The following TSPEAR variants were observed in gnomAD, a reference collection of about 807,000 sequenced individuals.
TSPEAR encodes thrombospondin-type laminin G domain and EAR repeat-containing protein.
TSPEAR carries 69 observed loss-of-function variants against 71.6 expected under a neutral mutation model. That is an observed-to-expected ratio of 0.96 (90% CI 0.79 to 1.18). The LOEUF (loss-of-function observed/expected upper bound fraction) is 1.18, where lower values mean the gene tolerates loss of function less well. Among genes scored for constraint, TSPEAR ranks in the 50% most tolerant of loss-of-function variants. The pLI, the probability that TSPEAR is intolerant of heterozygous loss-of-function variation, is 0.00. For missense variants in TSPEAR, 971 were observed against 894.9 expected, an observed-to-expected ratio of 1.09 and a Z score of -1.09; for synonymous variants, 402 against 387.2, an observed-to-expected ratio of 1.04 and a Z score of -0.45.
chr21:44,670,034 G>A (rs1255968162), intron 1 of TSPEAR, among the ~76,000 whole-genome samples: 1 of 152,214 alleles, frequency 6.6e-6, no homozygotes, highest in Non-Finnish European at 1.5e-5. Context: ...ATAAGTCTCA[G>A]AAGATTACTC....
At position 44,499,953 on chromosome 21, in the gene TSPEAR, G is replaced by T. The variant is rs1414750782; in HGVS notation, c.1857-17C>A. ...CCCTGCCACCTGCGGAACAGACAGC[G>T]GCAGCCGGGTCAGCCTGGGCTCTGC... On this transcript the variant is annotated splice_polypyrimidine_tract_variant and intron_variant, in intron 11 of 11. Coordinates refer to ENST00000323084, the MANE Select transcript of TSPEAR (RefSeq NM_144991.3). The T allele has an allele frequency of 6.3e-7, 1 of 1,594,172 alleles. No individual in the cohort carries two copies. The highest frequency in any genetic ancestry group is 1.1e-5 in the South Asian group (1 of 88,874).
intron 1 of TSPEAR, chr21:44,675,962 G>A: frequency 1.2e-6 from 1 of 819,414 alleles, no homozygotes; most frequent in Non-Finnish European, 2.2e-6. Flanking sequence ...GGTTATTCGG[G>A]CTTCCTTCAG....
chr21:44,668,995 C>T (rs941037841), intron 1 of TSPEAR, among the ~76,000 whole-genome samples: 1 of 151,544 alleles, frequency 6.6e-6, no homozygotes, highest in Non-Finnish European at 1.5e-5. Context: ...ACATGATAGA[C>T]GTAAATATAG....
At position 44,529,780 on chromosome 21, in the gene TSPEAR, G is replaced by A; in HGVS notation, c.790+18C>T. On this transcript the variant is annotated intron_variant, in intron 5 of 11. Coordinates refer to ENST00000323084, the MANE Select transcript of TSPEAR (RefSeq NM_144991.3). Reference sequence around the variant, plus strand: ...CGCATCTGCCTTTGGTGTGGGGGCGGGTGGCCCCCCTACTAACCATAGGGA... The same window carrying A: ...CGCATCTGCCTTTGGTGTGGGGGCGAGTGGCCCCCCTACTAACCATAGGGA... 6.2e-7 allele frequency: 1 copy of A among 1,613,132 alleles called. No homozygotes were observed. The highest frequency in any genetic ancestry group is 8.5e-7 in the Non-Finnish European group (1 of 1,179,646).
intron 1 of TSPEAR, among the ~76,000 whole-genome samples, chr21:44,622,573 T>C (rs1171454792): frequency 6.6e-6 from 1 of 152,244 alleles, no homozygotes; most frequent in Non-Finnish European, 1.5e-5. Flanking sequence ...CCAGCAAACC[T>C]TGGCGTCCCT....
intron 1 of TSPEAR, among the ~76,000 whole-genome samples, chr21:44,615,962 C>T (rs1273481430): frequency 1.3e-5 from 2 of 152,198 alleles, no homozygotes; most frequent in African/African-American, 4.8e-5. Flanking sequence ...CCGCCAGGGA[C>T]GCCAAAGCCA....
In TSPEAR at chr21:44,529,873, C is replaced by A. The variant is rs782756784; in HGVS notation, c.715G>T (p.Val239Leu). 2 of 1,613,716 alleles carry A rather than the reference C, an allele frequency of 1.2e-6. No individual in the cohort carries two copies. The highest frequency in any genetic ancestry group is 1.7e-6 in the Non-Finnish European group (2 of 1,179,934). Residue 239 changes from valine (V) to leucine (L), a missense_variant, in exon 5 of 12, where the codon GTG becomes TTG. Val to Leu is a conservative substitution (Grantham distance 32). Coordinates refer to ENST00000323084, the MANE Select transcript of TSPEAR (RefSeq NM_144991.3). ...TGCAGGACCCGTGGGATGGACAGCA[C>A]CGCCAGCGGGGCGTTCCTGCTGGGA... ...LCPSRNAPLA[V>L]LSIPRVLQAL...
intron 1 of TSPEAR, among the ~76,000 whole-genome samples, chr21:44,701,174 C>T (rs1032942710): frequency 1.3e-5 from 2 of 152,250 alleles, no homozygotes; most frequent in African/African-American, 2.4e-5. Context: ...TTCCCAGTGA[C>T]GCTTCCATAG....
At chr21:44,502,274 G>A (rs587752587) in intron 11 of TSPEAR, among the ~76,000 whole-genome samples, 288 of 152,266 alleles carry the variant, frequency 1.9e-3, no homozygotes, top group African/African-American at 6.6e-3. Context: ...CACTTCTGCC[G>A]CCATCCAAGA....
chr21:44,690,787 TG>T (rs1987092089), intron 1 of TSPEAR, among the ~76,000 whole-genome samples: 1 of 152,214 alleles, frequency 6.6e-6, no homozygotes, highest in African/African-American at 2.4e-5. Context: ...TTTGTCTGTT[TG>T]TTTATAGAGA....
At chr21:44,530,208 GGCTACTCT>G (rs1555915586) in intron 4 of TSPEAR, among the ~76,000 whole-genome samples, 1 of 146,468 alleles carries the variant, frequency 6.8e-6, no homozygotes, top group African/African-American at 2.8e-5. Context: ...TAGAGTGACT[GGCTACTCT>G]GCTCATCCAA....
At chr21:44,501,224 C>T (rs1199555621) in intron 11 of TSPEAR, among the ~76,000 whole-genome samples, 12 of 152,092 alleles carry the variant, frequency 7.9e-5, no homozygotes, top group African/African-American at 2.9e-4. Flanking sequence ...CTGAGGCGGG[C>T]AGATCACTTG....
At chr21:44,639,889 T>C (rs1555938182) in intron 1 of TSPEAR, among the ~76,000 whole-genome samples, 1 of 151,254 alleles carries the variant, frequency 6.6e-6, no homozygotes, top group Non-Finnish European at 1.5e-5. Flanking sequence ...TGGTGGGGGG[T>C]CTCAGCTCTG....
intron 1 of TSPEAR, chr21:44,627,453 C>T (rs1555934650): frequency 6.2e-7 from 1 of 1,608,776 alleles, no homozygotes; most frequent in East Asian, 2.2e-5. Context: ...CCTCCTCCCC[C>T]TGCCAGCAGG....
chr21:44,691,395 T>C (rs1987118889), intron 1 of TSPEAR, among the ~76,000 whole-genome samples: 1 of 152,192 alleles, frequency 6.6e-6, no homozygotes, highest in Admixed American at 6.5e-5. Context: ...CAAGAATCCT[T>C]ATGTCCCCAT....
intron 2 of TSPEAR, chr21:44,539,515 C>G: frequency 1.2e-6 from 2 of 1,613,662 alleles, no homozygotes; most frequent in Non-Finnish European, 1.7e-6. Context: ...AGCTAGACTG[C>G]TGGCAGCATG....
At chr21:44,522,239 C>G in intron 8 of TSPEAR, 127 bp from the exon 9 acceptor site, 1 of 798,390 alleles carries the variant, frequency 1.3e-6, no homozygotes, top group Non-Finnish European at 2.1e-6. Flanking sequence ...CAAGGCCAAC[C>G]GCTGGGGACA....
intron 1 of TSPEAR, among the ~76,000 whole-genome samples, chr21:44,709,975 A>G (rs1988133107): frequency 6.6e-6 from 1 of 152,106 alleles, no homozygotes. Context: ...TTCAGGGGAG[A>G]GGGGGAGGGC....
chr21:44,654,571 G>A (rs1555942189), intron 1 of TSPEAR: 2 of 1,605,246 alleles, frequency 1.2e-6, no homozygotes, highest in East Asian at 2.2e-5. Flanking sequence ...CGGGGAGCCA[G>A]GGCAGGCCAT....
Sources: allele counts gnomAD v4.1 joint callset (sites outside exome capture counted in the v4.1 genomes callset), GRCh38; gene constraint gnomAD v4.1.1; transcripts MANE v1.5; gene names NCBI Gene and HGNC (gene_info 2026-07-23, HGNC 2026-07-21).